TFDP2: variants seen among roughly 807,000 people sequenced by gnomAD.
The protein encoded by TFDP2 is transcription factor Dp-2 (E2F dimerization partner 2).
A neutral mutation model predicts 59.3 loss-of-function variants in TFDP2; 17 were observed. The ratio of observed to expected loss-of-function variants is 0.29; its 90% CI spans 0.20 to 0.43. TFDP2 has a LOEUF of 0.43. TFDP2 is among the 20% of genes least tolerant of loss of function. The pLI is 1.00. For synonymous variants in TFDP2, 180 were observed against 194.7 expected (o/e 0.92, Z 0.63); for missense variants, 391 against 528.8 (o/e 0.74, Z 2.56).
intron 3 of TFDP2, among the ~76,000 whole-genome samples, chr3:142,073,680 G>C (rs1003807053): frequency 2.0e-5 from 3 of 152,052 alleles, no homozygotes; most frequent in Non-Finnish European, 4.4e-5. Flanking sequence ...TTTTGCTTTT[G>C]TCTTGTTAAA....
At chr3:142,061,922 A>T (rs1301328822) in intron 3 of TFDP2, among the ~76,000 whole-genome samples, 5 of 150,734 alleles carry the variant, frequency 3.3e-5, no homozygotes, top group Non-Finnish European at 5.9e-5. Context: ...ACACACACAC[A>T]CACACACACA....
intron 1 of TFDP2, among the ~76,000 whole-genome samples, chr3:142,134,099 C>T (rs958164650): frequency 6.6e-6 from 1 of 151,272 alleles, no homozygotes; most frequent in African/African-American, 2.4e-5. Context: ...CAGCAACTCC[C>T]TCTAAGTACA....
intron 1 of TFDP2, among the ~76,000 whole-genome samples, chr3:142,118,955 G>A (rs757453171): frequency 1.3e-5 from 2 of 152,148 alleles, no homozygotes; most frequent in African/African-American, 4.8e-5. Flanking sequence ...GAGGCCAGGA[G>A]TTTGACACCA....
chr3:142,055,302 G>A (rs1011258044), intron 3 of TFDP2, among the ~76,000 whole-genome samples: 29 of 151,994 alleles, frequency 1.9e-4, no homozygotes, highest in African/African-American at 6.5e-4. Context: ...GTACTTGGAT[G>A]AGAATCTACA....
intron 3 of TFDP2, among the ~76,000 whole-genome samples, chr3:142,038,172 C>T (rs746129562): frequency 1.3e-5 from 2 of 152,076 alleles, no homozygotes; most frequent in Non-Finnish European, 2.9e-5. Context: ...ATCATGAGGT[C>T]AGGAGATTGA....
chr3:142,031,458 C>T (rs1297662891), intron 3 of TFDP2, among the ~76,000 whole-genome samples: 1 of 152,214 alleles, frequency 6.6e-6, no homozygotes, highest in African/African-American at 2.4e-5. Flanking sequence ...TTTACTCATA[C>T]TACACCCCTT....
chr3:141,974,178 T>C lies in TFDP2; in HGVS notation c.533A>G (p.Lys178Arg). The C allele has an allele frequency of 6.2e-7, 1 of 1,603,022 alleles. No homozygotes were observed. The highest frequency in any genetic ancestry group is 8.5e-7 in the Non-Finnish European group (1 of 1,176,552). Residue 178 changes from lysine to arginine, a missense_variant, in exon 8 of 13, where the codon AAG becomes AGG. Lys to Arg is a conservative substitution (Grantham distance 26). Around this residue, in one of 3 missense-constraint regions of TFDP2, gnomAD observed 6 missense variants for 29.4 expected, o/e 0.20. Coordinates refer to ENST00000489671, the MANE Select transcript of TFDP2 (RefSeq NM_001178139.2). ...HLAADSAYDQ[K>R]NIRRRVYDAL... ...ATCATAAACTCTTCGCCTAATGTTC[T>C]TCTGATCATAAGCCTGCTAAAAAAT...
At chr3:142,068,702 G>A (rs1338872553) in intron 3 of TFDP2, among the ~76,000 whole-genome samples, 2 of 151,814 alleles carry the variant, frequency 1.3e-5, no homozygotes, top group African/African-American at 4.8e-5. Flanking sequence ...GAGTAGCTGG[G>A]ACTACAGGTA....
intron 10 of TFDP2, among the ~76,000 whole-genome samples, chr3:141,962,739 A>G (rs1284693104): frequency 1.3e-5 from 2 of 152,238 alleles, no homozygotes; most frequent in Non-Finnish European, 2.9e-5. Flanking sequence ...AGGGGGCGCA[A>G]GAGCGCCAGG....
intron 3 of TFDP2, among the ~76,000 whole-genome samples, chr3:142,038,532 T>C (rs1415078554): frequency 1.3e-5 from 2 of 152,140 alleles, no homozygotes; most frequent in African/African-American, 2.4e-5. Flanking sequence ...AAGAAAATCT[T>C]TGCTAATTGA....
chr3:142,077,655 G>A (rs778013158), intron 3 of TFDP2, among the ~76,000 whole-genome samples: 3 of 152,074 alleles, frequency 2.0e-5, no homozygotes, highest in Admixed American at 1.3e-4. Context: ...GAGCTCTTGG[G>A]CCCTGAATAA....
At chr3:141,963,711 G>T in intron 10 of TFDP2, 101 bp downstream of exon 10, 1 of 1,389,076 alleles carries the variant, frequency 7.2e-7, no homozygotes. Flanking sequence ...GCCAGCCTTT[G>T]AGGGGTGCAA....
chr3:142,097,679 T>G (rs996675696), intron 2 of TFDP2, among the ~76,000 whole-genome samples: 1 of 151,940 alleles, frequency 6.6e-6, no homozygotes, highest in Non-Finnish European at 1.5e-5. Flanking sequence ...AGCAAGACCC[T>G]GTCCCAAACT....
rs1479638502 is a variant in TFDP2, at chr3:142,121,336, A to C, written c.-92-19495T>G. Reference sequence around the variant, plus strand: ...ACAAACAAATGAGCAAGACAAATGCATACAGTATAACATGCTAAAATACTA... The same window carrying C: ...ACAAACAAATGAGCAAGACAAATGCCTACAGTATAACATGCTAAAATACTA... On this transcript the variant is annotated intron_variant, in intron 1 of 12. Coordinates refer to ENST00000489671, the MANE Select transcript of TFDP2 (RefSeq NM_001178139.2). This position sits in a 1 kb window ranked among gnomAD's most constrained non-coding sequence, Gnocchi z 4.3. 6.6e-6 allele frequency among the ~76,000 whole-genome samples: 1 copy of C among 152,232 alleles called. No homozygotes were observed. The highest frequency in any genetic ancestry group is 1.5e-5 in the Non-Finnish European group (1 of 68,046).
chr3:142,078,945 C>T (rs1322551782), intron 3 of TFDP2, among the ~76,000 whole-genome samples: 1 of 152,016 alleles, frequency 6.6e-6, no homozygotes, highest in African/African-American at 2.4e-5. Flanking sequence ...ATAAATTTAA[C>T]AGAAAGATTG....
At chr3:141,972,207 T>C (rs1406664182) in intron 8 of TFDP2, among the ~76,000 whole-genome samples, 1 of 152,180 alleles carries the variant, frequency 6.6e-6, no homozygotes, top group African/African-American at 2.4e-5. Context: ...TCAGAAGCTC[T>C]GACAAGCCAG....
At chr3:142,110,232 G>A (rs1028042447) in intron 1 of TFDP2, among the ~76,000 whole-genome samples, 3 of 152,050 alleles carry the variant, frequency 2.0e-5, no homozygotes, top group East Asian at 1.9e-4. Context: ...AGCCAGGCAC[G>A]GTGGCTCACG....
At chr3:142,066,324 G>T (rs72995068) in intron 3 of TFDP2, among the ~76,000 whole-genome samples, 3 of 152,090 alleles carry the variant, frequency 2.0e-5, no homozygotes, top group Admixed American at 2.0e-4. Context: ...AGTATGATGC[G>T]GTTACATCCT....
chr3:141,947,409 T>C lies in TFDP2; in HGVS notation c.*5104A>G, dbSNP rs2107801652. ...ATAGTTCTCAATTTCTAATCATTTTTCTTTCTTTCTTTTTTCTTTTTTTGA... is the reference window on the plus strand; with the variant it reads ...ATAGTTCTCAATTTCTAATCATTTTCCTTTCTTTCTTTTTTCTTTTTTTGA... On this transcript the variant is annotated 3_prime_UTR_variant, in exon 13 of 13. Coordinates refer to ENST00000489671, the MANE Select transcript of TFDP2 (RefSeq NM_001178139.2). 6.8e-6 allele frequency: 1 copy of C among 147,412 alleles called. No individual in the cohort carries two copies. Among genetic ancestry groups the C allele is most frequent in the Middle Eastern group, 3.6e-3 (1 of 274 alleles). The allele number at this position is 147,412 out of a possible 1,614,324, so 9.1% of individuals were successfully genotyped here. A position where few individuals can be genotyped will look rare whatever the true frequency, so the allele number is the denominator to read the frequency against.
Sources: gnomAD v4.1 joint callset for allele counts (sites outside exome capture counted in the v4.1 genomes callset) on GRCh38, gnomAD v4.1.1 for gene constraint, gnomAD v4.1.1 regional missense constraint, Gnocchi (gnomAD v3.1) non-coding constraint, MANE v1.5 for transcripts, NCBI Gene and HGNC (gene_info 2026-07-23, HGNC 2026-07-21) for gene names.